Variants in POLR2F observed in about 807,000 individuals in gnomAD.
POLR2F encodes RNA polymerase II, I and III subunit F.
In POLR2F, 12 loss-of-function variants were observed where a neutral mutation model predicts 22.7. The observed-to-expected ratio is 0.53, with a 90% confidence interval of 0.34 to 0.86. The LOEUF (loss-of-function observed/expected upper bound fraction) is 0.86, where lower values mean the gene tolerates loss of function less well. Among genes scored for constraint, POLR2F ranks in the 40% least tolerant of loss-of-function variants. The pLI is 0.02. For synonymous variants in POLR2F, 57 were observed against 66.0 expected, an observed-to-expected ratio of 0.86 and a Z score of 0.66; for missense variants, 126 against 171.5, an observed-to-expected ratio of 0.73 and a Z score of 1.48.
rs2084731359 is a variant in POLR2F at position 37,997,941 on chromosome 22, G to A, written c.120+11629G>A. Among the ~76,000 whole-genome samples, 1 of 152,212 alleles carries A rather than the reference G, an allele frequency of 6.6e-6. No individual in the cohort carries two copies. The highest frequency in any genetic ancestry group is 6.5e-5 in the Admixed American group (1 of 15,290). ...ACCATCTCCTGGCGCGAGAGCCAGG[G>A]TTGCCCAGATTGATGGAAGAGCAGG... On this transcript the variant is annotated intron_variant, in intron 1 of 2. Transcript: ENST00000333418. The surrounding 1 kb of genome is among the most constrained non-coding windows in gnomAD (Gnocchi z 4.4).
intron 2 of POLR2F, among the ~76,000 whole-genome samples, chr22:37,958,187 CTT>C (rs555979060): frequency 1.3e-4 from 17 of 133,258 alleles, no homozygotes; most frequent in Admixed American, 2.3e-4. Context: ...TCAGAGTCAA[CTT>C]TTTTTTTTTT....
intron 3 of POLR2F, among the ~76,000 whole-genome samples, chr22:37,960,516 G>A (rs1159379588): frequency 6.6e-6 from 1 of 152,162 alleles, no homozygotes; most frequent in Non-Finnish European, 1.5e-5. Context: ...TCCTGCCTCA[G>A]CCTCCAGAGT....
At chr22:37,960,209 G>A (rs1367026077) in intron 3 of POLR2F, among the ~76,000 whole-genome samples, 1 of 151,364 alleles carries the variant, frequency 6.6e-6, no homozygotes, top group Non-Finnish European at 1.5e-5. Context: ...AAACTCCTGG[G>A]CTCAAGCAAT....
intron 5 of POLR2F, among the ~76,000 whole-genome samples, chr22:38,036,185 C>T (rs2085114771): frequency 1.3e-5 from 2 of 151,936 alleles, no homozygotes; most frequent in African/African-American, 4.8e-5. Flanking sequence ...CCATGTTGAC[C>T]AGGCTGGTCT....
At chr22:38,004,008 T>A (rs1187063146) in intron 1 of POLR2F, among the ~76,000 whole-genome samples, 1 of 151,796 alleles carries the variant, frequency 6.6e-6, no homozygotes, top group Non-Finnish European at 1.5e-5. Context: ...TTTTGTTTTT[T>A]AGATGGGGTG....
chr22:37,967,744 A>G lies in POLR2F; in HGVS notation c.*29A>G, dbSNP rs749093894. Reference sequence around the variant, plus strand: ...GGAGTCATCTTCCTGCCCTTGCCCCATGCCCAATTTTCATTCTCACTTTAT... The same window carrying G: ...GGAGTCATCTTCCTGCCCTTGCCCCGTGCCCAATTTTCATTCTCACTTTAT... On this transcript the variant is annotated 3_prime_UTR_variant, in exon 5 of 5. Coordinates refer to ENST00000442738, the MANE Select transcript of POLR2F (RefSeq NM_021974.5). 24 of 1,594,660 alleles carry G rather than the reference A, an allele frequency of 1.5e-5. No homozygotes were observed. The highest frequency in any genetic ancestry group is 1.1e-5 in the South Asian group (1 of 88,122).
chr22:37,955,581 G>A (rs550629095), intron 1 of POLR2F, among the ~76,000 whole-genome samples: 174 of 152,118 alleles, frequency 1.1e-3, no homozygotes, highest in Middle Eastern at 0.01. Context: ...AGTAGAGAGG[G>A]AAACAGTGAT....
At chr22:37,973,442 C>T, downstream of POLR2F, 1 of 1,220,784 alleles carries the variant, frequency 8.2e-7, no homozygotes, top group Non-Finnish European at 1.1e-6. Context: ...AGGAACAGGG[C>T]ACACAGGCTG....
intron 5 of POLR2F, among the ~76,000 whole-genome samples, chr22:38,034,775 G>T (rs897097592): frequency 1.3e-5 from 2 of 152,214 alleles, no homozygotes; most frequent in African/African-American, 4.8e-5. Context: ...GAAGCAGCCA[G>T]CAGAGACACA....
intron 1 of POLR2F, among the ~76,000 whole-genome samples, chr22:37,991,865 C>T (rs1459270729): frequency 6.6e-6 from 1 of 152,180 alleles, no homozygotes; most frequent in African/African-American, 2.4e-5. Context: ...ATTGTCCCTG[C>T]TGGGGTGTGG....
chr22:37,965,391 A>G (rs1364029744), intron 3 of POLR2F, among the ~76,000 whole-genome samples: 1 of 152,220 alleles, frequency 6.6e-6, no homozygotes, highest in Non-Finnish European at 1.5e-5. Flanking sequence ...TGTTTGTCAC[A>G]TCTACTTCTT....
chr22:37,973,625 G>T, downstream of POLR2F: 1 of 1,613,714 alleles, frequency 6.2e-7, no homozygotes, highest in Non-Finnish European at 8.5e-7. Flanking sequence ...ATAGGAGAAG[G>T]CCGAGTAGAG....
In POLR2F at chr22:38,004,669, C is replaced by T. The variant is rs2084804772; in HGVS notation, c.120+18357C>T. On this transcript the variant is annotated intron_variant, in intron 1 of 2. Coordinates refer to the POLR2F transcript ENST00000333418. Reference sequence around the variant, plus strand: ...TGTCAAAAACCACATGATAGGCTGGCCGCATTGGTTCATGCCTGTAATCCT... The same window carrying T: ...TGTCAAAAACCACATGATAGGCTGGTCGCATTGGTTCATGCCTGTAATCCT... Among the ~76,000 whole-genome samples, 4 of 152,192 alleles carry T rather than the reference C, an allele frequency of 2.6e-5. No homozygotes were observed. In the South Asian group the frequency reaches 8.3e-4, roughly 32 times the overall value.
At chr22:37,988,330 C>CA (rs990207951) in intron 1 of POLR2F, 1,860 of 54,916 alleles carry the variant, frequency 0.034, 33 homozygotes, top group Admixed American at 0.12. Context: ...AACTCTGTCT[C>CA]AAAAAAAAAA....
At position 37,968,404 on chromosome 22, in the gene POLR2F, AC is replaced by A. The variant is rs147422246; in HGVS notation, c.*690del. 134 of 985,812 alleles carry A rather than the reference AC, an allele frequency of 1.4e-4. No individual in the cohort carries two copies. Among genetic ancestry groups the A allele is most frequent in the Non-Finnish European group, 1.6e-4 (131 of 830,182 alleles). 61.1% of individuals were successfully genotyped at this position (985,812 alleles called of 1,614,324 possible). ...CTGTGGCCCACCTCTTTGGTGTGCC[AC>A]ACCCATGCCTTCTTCCTAGCCTCTA... On this transcript the variant is annotated 3_prime_UTR_variant, in exon 5 of 5. Coordinates refer to ENST00000442738, the MANE Select transcript of POLR2F (RefSeq NM_021974.5).
chr22:38,001,898 G>A (rs910429013), intron 1 of POLR2F, among the ~76,000 whole-genome samples: 17 of 151,804 alleles, frequency 1.1e-4, no homozygotes, highest in African/African-American at 4.1e-4. Flanking sequence ...CATGATCTTG[G>A]CTCACTGCAA....
At chr22:37,999,213 C>G (rs1261755680) in intron 1 of POLR2F, among the ~76,000 whole-genome samples, 1 of 152,124 alleles carries the variant, frequency 6.6e-6, no homozygotes, top group Non-Finnish European at 1.5e-5. Flanking sequence ...TGTGGAGTGC[C>G]AGCCTGGGGT....
intron 5 of POLR2F, among the ~76,000 whole-genome samples, chr22:38,037,879 GCCT>G (rs1475773421): frequency 1.3e-5 from 2 of 152,154 alleles, no homozygotes; most frequent in Admixed American, 1.3e-4. Context: ...TTCATGGAGT[GCCT>G]CCTATGTGTG....
intron 1 of POLR2F, among the ~76,000 whole-genome samples, chr22:38,011,220 G>C (rs374416636): frequency 2.0e-5 from 3 of 152,064 alleles, no homozygotes; most frequent in African/African-American, 7.2e-5. Context: ...TCCCACCTCA[G>C]CCTCCCGAGT....
Sources: allele counts gnomAD v4.1 joint callset (sites outside exome capture counted in the v4.1 genomes callset), GRCh38; gene constraint gnomAD v4.1.1; non-coding constraint Gnocchi (gnomAD v3.1); transcripts MANE v1.5; gene names NCBI Gene and HGNC (gene_info 2026-07-23, HGNC 2026-07-21).